GLIS3: variants seen among roughly 807,000 people sequenced by gnomAD.
GLIS3 encodes zinc finger protein GLIS3.
GLIS3 carries 53 observed loss-of-function variants against 78.6 expected under a neutral mutation model. That is an observed-to-expected ratio of 0.67 (90% CI 0.54 to 0.85). The LOEUF (loss-of-function observed/expected upper bound fraction) is 0.85, where lower values mean the gene tolerates loss of function less well. GLIS3 is among the 40% of genes least tolerant of loss of function. The pLI, the probability that GLIS3 is intolerant of heterozygous loss-of-function variation, is 0.00. For missense variants in GLIS3, 1,703 were observed against 1,231.1 expected, an observed-to-expected ratio of 1.38 and a Z score of -5.74; for synonymous variants, 684 against 509.9, an observed-to-expected ratio of 1.34 and a Z score of -4.60.
chr9:4,386,859 A>T, the GLIS3 span, among the ~76,000 whole-genome samples: 1 of 152,130 alleles, frequency 6.6e-6, no homozygotes, highest in Non-Finnish European at 1.5e-5. Flanking sequence ...GAGAGATGTG[A>T]TCCCCATACA....
At chr9:4,420,461 T>C in the GLIS3 span, among the ~76,000 whole-genome samples, 1 of 152,220 alleles carries the variant, frequency 6.6e-6, no homozygotes, top group Admixed American at 6.5e-5. Context: ...CGTAAGGTGC[T>C]GTGATCCAAG....
At chr9:4,025,992 T>G (rs1231662683) in intron 4 of GLIS3, among the ~76,000 whole-genome samples, 1 of 152,212 alleles carries the variant, frequency 6.6e-6, no homozygotes, top group Non-Finnish European at 1.5e-5. Flanking sequence ...TGTTTAAAAG[T>G]AGAAGTCATG....
chr9:4,474,436 G>C, the GLIS3 span, among the ~76,000 whole-genome samples: 1 of 152,118 alleles, frequency 6.6e-6, no homozygotes, highest in Admixed American at 6.6e-5. Context: ...ATATGCCAAA[G>C]TCATGTTGCA....
At chr9:4,264,722 T>C (rs1825826656) in intron 2 of GLIS3, among the ~76,000 whole-genome samples, 1 of 152,176 alleles carries the variant, frequency 6.6e-6, no homozygotes, top group Non-Finnish European at 1.5e-5. Context: ...TATTCTGCTT[T>C]GTTTCTCCCT....
intron 2 of GLIS3, among the ~76,000 whole-genome samples, chr9:4,200,896 A>G (rs1819330798): frequency 1.3e-5 from 2 of 152,158 alleles, no homozygotes; most frequent in Admixed American, 1.3e-4. Context: ...AAAGAAAACT[A>G]CAGGCCAATA....
At chr9:4,295,017 C>T (rs993694142) in intron 1 of GLIS3, among the ~76,000 whole-genome samples, 1 of 152,140 alleles carries the variant, frequency 6.6e-6, no homozygotes, top group African/African-American at 2.4e-5. Context: ...TTGCATGTTT[C>T]CTAGTCTTTT....
chr9:4,364,617 T>C, the GLIS3 span, among the ~76,000 whole-genome samples: 6 of 151,784 alleles, frequency 4.0e-5, no homozygotes, highest in South Asian at 1.2e-3. Flanking sequence ...TCAAACATTA[T>C]GTTCCAAAAT....
At chr9:4,185,465 G>T (rs145222710) in intron 2 of GLIS3, among the ~76,000 whole-genome samples, 229 of 152,088 alleles carry the variant, frequency 1.5e-3, no homozygotes, top group Middle Eastern at 6.8e-3. Flanking sequence ...TTTTTTGTAG[G>T]GAGAAAAAAG....
chr9:4,229,641 C>T (rs543759410), intron 2 of GLIS3, among the ~76,000 whole-genome samples: 5 of 152,294 alleles, frequency 3.3e-5, no homozygotes, highest in South Asian at 2.1e-4. Flanking sequence ...GTTTTATTAA[C>T]ATTTGCTTTT....
chr9:4,022,969 G>A (rs1823008921), intron 4 of GLIS3, among the ~76,000 whole-genome samples: 1 of 152,168 alleles, frequency 6.6e-6, no homozygotes, highest in Admixed American at 6.5e-5. Context: ...TGATAAAAAT[G>A]CTCTCTCTGT....
At chr9:3,951,190 C>G (rs1380663638) in intron 4 of GLIS3, among the ~76,000 whole-genome samples, 2 of 152,136 alleles carry the variant, frequency 1.3e-5, no homozygotes, top group South Asian at 2.1e-4. Flanking sequence ...TTACACCCAG[C>G]AATAAGTGAC....
chr9:4,149,445 A>G (rs764322016), intron 2 of GLIS3, among the ~76,000 whole-genome samples: 1 of 152,222 alleles, frequency 6.6e-6, no homozygotes, highest in Admixed American at 6.5e-5. Context: ...AACTGGACAA[A>G]TACTCCTAGA....
chr9:4,306,200 C>G (rs1817223495), intron 4 of GLIS3, among the ~76,000 whole-genome samples: 1 of 152,160 alleles, frequency 6.6e-6, no homozygotes, highest in South Asian at 2.1e-4. Flanking sequence ...TTGCCTCAGC[C>G]TCCTAAGGAG....
chr9:4,154,622 T>G (rs1363659457), intron 2 of GLIS3, among the ~76,000 whole-genome samples: 1 of 133,470 alleles, frequency 7.5e-6, no homozygotes, highest in Non-Finnish European at 1.6e-5. Flanking sequence ...TAAACATTCA[T>G]GTAGGGGGAA....
At chr9:3,832,772 C>T (rs746275741) in intron 9 of GLIS3, among the ~76,000 whole-genome samples, 12 of 152,168 alleles carry the variant, frequency 7.9e-5, no homozygotes, top group Admixed American at 3.9e-4. Context: ...AAACTCTCCT[C>T]ATATTTGTCA....
At chr9:4,462,708 G>T in the GLIS3 span, among the ~76,000 whole-genome samples, 1 of 151,938 alleles carries the variant, frequency 6.6e-6, no homozygotes, top group African/African-American at 2.4e-5. Context: ...TACACAGGAG[G>T]CTGAGGAAGG....
intron 4 of GLIS3, among the ~76,000 whole-genome samples, chr9:4,032,345 G>C (rs1222099309): frequency 3.9e-5 from 6 of 152,122 alleles, no homozygotes; most frequent in Non-Finnish European, 1.5e-5. Context: ...TTGGTCCTTA[G>C]CAGCGTAATC....
chr9:4,045,170 A>G (rs928555225), intron 4 of GLIS3, among the ~76,000 whole-genome samples: 2 of 152,120 alleles, frequency 1.3e-5, no homozygotes, highest in African/African-American at 4.8e-5. Context: ...TGTGTTTCCA[A>G]GTTGCCATTT....
chr9:4,389,662 C>T, the GLIS3 span, among the ~76,000 whole-genome samples: 1 of 152,266 alleles, frequency 6.6e-6, no homozygotes, highest in Admixed American at 6.5e-5. Context: ...AAGACAATCA[C>T]ATCACGTCAA....
Sources: allele counts gnomAD v4.1 joint callset (sites outside exome capture counted in the v4.1 genomes callset), GRCh38; gene constraint gnomAD v4.1.1; transcripts MANE v1.5; gene names NCBI Gene and HGNC (gene_info 2026-07-23, HGNC 2026-07-21).